The following PPP2R2C variants were observed in gnomAD, a reference collection of about 807,000 sequenced individuals.
The protein encoded by PPP2R2C is protein phosphatase 2, regulatory subunit B, gamma.
PPP2R2C carries 10 observed loss-of-function variants against 45.3 expected under a neutral mutation model. That is an observed-to-expected ratio of 0.22 (90% CI 0.14 to 0.37). The LOEUF is 0.37. PPP2R2C is among the 10% of genes least tolerant of loss of function. The pLI is 1.00. For synonymous variants in PPP2R2C, 257 were observed against 245.4 expected (o/e 1.05, Z -0.44); for missense variants, 308 against 619.7 (o/e 0.50, Z 5.34).
rs985129927 is a variant in PPP2R2C, at chr4:6,336,259, G to A, written c.791-2528C>T. ...CCTGCGACCTCAATCTCCCTCCATC[G>A]TTCACAGGGGCGCCCTTCTCAGTGG... On this transcript the variant is annotated intron_variant, in intron 6 of 8. Coordinates refer to ENST00000382599, the MANE Select transcript of PPP2R2C (RefSeq NM_020416.4). Among the ~76,000 whole-genome samples the A allele has an allele frequency of 2.8e-4, 43 of 151,404 alleles. 1 individual carries two copies. The highest frequency in any genetic ancestry group is 1.8e-3 in the Admixed American group (28 of 15,228).
At chr4:6,360,849 GGGCT>G (rs1713669487) in intron 5 of PPP2R2C, among the ~76,000 whole-genome samples, 1 of 152,158 alleles carries the variant, frequency 6.6e-6, no homozygotes, top group South Asian at 2.1e-4. Flanking sequence ...GGTGTTAGCA[GGGCT>G]GGCTCCTTCT....
chr4:6,339,040 T>A (rs1324717806), intron 6 of PPP2R2C, among the ~76,000 whole-genome samples: 2 of 152,240 alleles, frequency 1.3e-5, no homozygotes, highest in Non-Finnish European at 2.9e-5. Context: ...TCATTTTCTC[T>A]CCCTGAGATC....
chr4:6,431,506 C>T (rs1334223039), intron 1 of PPP2R2C, among the ~76,000 whole-genome samples: 1 of 152,186 alleles, frequency 6.6e-6, no homozygotes, highest in Admixed American at 6.5e-5. Flanking sequence ...ACCCTGGTTA[C>T]TTTGTGACCC....
At chr4:6,547,405 T>C (rs1255646437) in intron 1 of PPP2R2C, among the ~76,000 whole-genome samples, 1 of 151,836 alleles carries the variant, frequency 6.6e-6, no homozygotes, top group African/African-American at 2.4e-5. Flanking sequence ...ACCAAGGAAA[T>C]AGCAGATTCT....
At chr4:6,366,755 C>T (rs148492656) in intron 5 of PPP2R2C, among the ~76,000 whole-genome samples, 17 of 152,278 alleles carry the variant, frequency 1.1e-4, no homozygotes, top group African/African-American at 3.8e-4. Flanking sequence ...CAGTGCTCCA[C>T]CCCACCCTGC....
chr4:6,527,401 G>A (rs1371932074), intron 2 of PPP2R2C, among the ~76,000 whole-genome samples: 1 of 151,616 alleles, frequency 6.6e-6, no homozygotes, highest in Non-Finnish European at 1.5e-5. Flanking sequence ...AGGCGGAACA[G>A]AACACCCCTC....
chr4:6,327,737 C>A (rs1013763389), intron 8 of PPP2R2C, among the ~76,000 whole-genome samples: 3 of 152,166 alleles, frequency 2.0e-5, no homozygotes, highest in African/African-American at 2.4e-5. Flanking sequence ...AGCCCAGCCC[C>A]GGGTCGGGCC....
chr4:6,340,335 GCT>G (rs1733348756), intron 6 of PPP2R2C, among the ~76,000 whole-genome samples: 1 of 152,070 alleles, frequency 6.6e-6, no homozygotes, highest in African/African-American at 2.4e-5. Flanking sequence ...CCATTCCCAG[GCT>G]CTTTCTCATC....
chr4:6,371,390 T>C (rs1221450547), intron 5 of PPP2R2C, among the ~76,000 whole-genome samples: 2 of 152,194 alleles, frequency 1.3e-5, no homozygotes, highest in African/African-American at 4.8e-5. Flanking sequence ...GAATGCTCCC[T>C]GCCTCCCCTG....
chr4:6,356,008 A>G (rs1330662092), intron 5 of PPP2R2C, among the ~76,000 whole-genome samples: 2 of 149,790 alleles, frequency 1.3e-5, no homozygotes, highest in African/African-American at 5.0e-5. Context: ...AAAAAAAAAA[A>G]AAAAAAAAGA....
intron 3 of PPP2R2C, among the ~76,000 whole-genome samples, chr4:6,377,174 C>T (rs1319828818): frequency 1.3e-5 from 2 of 152,206 alleles, no homozygotes; most frequent in African/African-American, 4.8e-5. Flanking sequence ...CGCTGAGGAG[C>T]GTGGACGTCC....
chr4:6,501,946 C>A (rs1190331102), intron 2 of PPP2R2C, among the ~76,000 whole-genome samples: 2 of 152,166 alleles, frequency 1.3e-5, no homozygotes, highest in Admixed American at 6.5e-5. Flanking sequence ...AAAGCATTTG[C>A]TGAACAAATA....
chr4:6,559,525 T>C (rs979076089), intron 1 of PPP2R2C, among the ~76,000 whole-genome samples: 19 of 151,970 alleles, frequency 1.3e-4, no homozygotes, highest in African/African-American at 4.6e-4. Context: ...CCCAACACCT[T>C]AACCCAATTC....
intron 5 of PPP2R2C, chr4:6,349,524 T>C: frequency 2.0e-6 from 2 of 985,426 alleles, no homozygotes; most frequent in South Asian, 4.7e-5. Flanking sequence ...CTGAAATCCA[T>C]CTGCCCTCCC....
At chr4:6,518,922 T>TTAAAAAAAAAAAAAAAAAAAAAAAAAAA (rs1354788203) in intron 2 of PPP2R2C, among the ~76,000 whole-genome samples, 2 of 92,902 alleles carry the variant, frequency 2.2e-5, no homozygotes, top group African/African-American at 1.2e-4. Context: ...GACTCTGTCT[T>TTAAAAAAAAAAAAAAAAAAAAAAAAAAA]AAAAAAAAAA....
chr4:6,469,433 C>T (rs1489136647), intron 1 of PPP2R2C, among the ~76,000 whole-genome samples: 1 of 152,150 alleles, frequency 6.6e-6, no homozygotes, highest in Non-Finnish European at 1.5e-5. Context: ...GTTTGTGCAC[C>T]TGGTTCTTCC....
At chr4:6,520,869 C>T (rs1723996752) in intron 2 of PPP2R2C, among the ~76,000 whole-genome samples, 1 of 152,220 alleles carries the variant, frequency 6.6e-6, no homozygotes, top group African/African-American at 2.4e-5. Context: ...CACAGAGAAA[C>T]TGAAGTGCAG....
chr4:6,560,404 G>A (rs1725537354), intron 1 of PPP2R2C, among the ~76,000 whole-genome samples: 1 of 152,210 alleles, frequency 6.6e-6, no homozygotes, highest in South Asian at 2.1e-4. Context: ...AGAGGTGGTG[G>A]GGTAGAGTGA....
intron 1 of PPP2R2C, among the ~76,000 whole-genome samples, chr4:6,418,035 G>T (rs937593547): frequency 6.6e-5 from 10 of 152,198 alleles, no homozygotes; most frequent in African/African-American, 2.4e-4. Flanking sequence ...CTGGGTTGGG[G>T]TCCTCATTCT....
Sources: allele counts gnomAD v4.1 joint callset (sites outside exome capture counted in the v4.1 genomes callset), GRCh38; gene constraint gnomAD v4.1.1; transcripts MANE v1.5; gene names NCBI Gene and HGNC (gene_info 2026-07-23, HGNC 2026-07-21).